RIMBP2: variants seen among roughly 807,000 people sequenced by gnomAD.
RIMBP2 encodes RIMS binding protein 2.
Under a neutral mutation model 118.6 loss-of-function variants are expected in RIMBP2, and 48 were observed. The ratio of observed to expected loss-of-function variants is 0.40; its 90% CI spans 0.32 to 0.51. The LOEUF (loss-of-function observed/expected upper bound fraction) is 0.51. RIMBP2 is among the 20% of genes least tolerant of loss of function. The probability of loss-of-function intolerance (pLI) is 0.41; values close to 1 mark genes in which losing one functional copy is unlikely to be tolerated. For synonymous variants in RIMBP2, 762 were observed against 742.9 expected, an observed-to-expected ratio of 1.03 and a Z score of -0.42; for missense variants, 1,551 against 1,768.3, an observed-to-expected ratio of 0.88 and a Z score of 2.20.
At chr12:130,613,289 C>T (rs114700911) in intron 2 of RIMBP2, among the ~76,000 whole-genome samples, 3,178 of 152,308 alleles carry the variant, frequency 0.021, 99 homozygotes, top group African/African-American at 0.072. Flanking sequence ...GCGACCGCCC[C>T]GCCAGAGGGC....
intron 17 of RIMBP2, among the ~76,000 whole-genome samples, chr12:130,417,928 A>C (rs374253438): frequency 6.6e-6 from 1 of 152,154 alleles, no homozygotes; most frequent in African/African-American, 2.4e-5. Context: ...TCACAACACC[A>C]TCAGGGAAGC....
chr12:130,515,759 A>G (rs1228446573), intron 3 of RIMBP2, among the ~76,000 whole-genome samples: 1 of 151,888 alleles, frequency 6.6e-6, no homozygotes, highest in African/African-American at 2.4e-5. Context: ...GTGCAATGGC[A>G]TGATCTCGGC....
intron 1 of RIMBP2, among the ~76,000 whole-genome samples, chr12:130,702,269 C>T (rs957670451): frequency 6.6e-6 from 1 of 151,964 alleles, no homozygotes. Context: ...GTAATCCCAG[C>T]ACTTTGGGAG....
At chr12:130,423,799 G>C (rs1191794312) in intron 16 of RIMBP2, among the ~76,000 whole-genome samples, 1 of 146,740 alleles carries the variant, frequency 6.8e-6, no homozygotes, top group African/African-American at 2.5e-5. Flanking sequence ...AAATCCCTAA[G>C]GATCCCTGTG....
intron 1 of RIMBP2, among the ~76,000 whole-genome samples, chr12:130,665,208 T>C (rs1241325669): frequency 6.6e-6 from 1 of 151,610 alleles, no homozygotes; most frequent in Non-Finnish European, 1.5e-5. Context: ...TGTTTCCTGA[T>C]GCCATGCTCC....
At chr12:130,714,982 A>ACGCCAGCTCCCCTCCCCTGCC (rs1437357786) in intron 1 of RIMBP2, among the ~76,000 whole-genome samples, 1 of 152,078 alleles carries the variant, frequency 6.6e-6, no homozygotes, top group Non-Finnish European at 1.5e-5. Context: ...GTGAGCCTGC[A>ACGCCAGCTCCCCTCCCCTGCC]CGCCAGCTCC....
At chr12:130,409,168 C>T (rs777594604) in intron 19 of RIMBP2, among the ~76,000 whole-genome samples, 23 of 152,102 alleles carry the variant, frequency 1.5e-4, no homozygotes, top group Non-Finnish European at 3.1e-4. Flanking sequence ...CAGTACTTTA[C>T]GTTGTGATAA....
chr12:130,559,240 G>A (rs2056619330), intron 2 of RIMBP2, among the ~76,000 whole-genome samples: 2 of 152,068 alleles, frequency 1.3e-5, no homozygotes, highest in South Asian at 4.1e-4. Flanking sequence ...GCACCATGTT[G>A]CACAGGCAGT....
intron 8 of RIMBP2, 33 bp downstream of exon 8, chr12:130,451,162 C>G: frequency 6.2e-7 from 1 of 1,605,678 alleles, no homozygotes; most frequent in Non-Finnish European, 8.5e-7. Flanking sequence ...ACAGCACAGG[C>G]AGCCCCGGCA....
intron 2 of RIMBP2, among the ~76,000 whole-genome samples, chr12:130,597,416 G>T (rs1038781183): frequency 3.4e-4 from 52 of 152,226 alleles, no homozygotes; most frequent in African/African-American, 1.2e-3. Flanking sequence ...GCTAATTTTT[G>T]TATTTTTAGT....
At chr12:130,466,991 C>T (rs1212282905) in intron 6 of RIMBP2, among the ~76,000 whole-genome samples, 1 of 152,220 alleles carries the variant, frequency 6.6e-6, no homozygotes, top group African/African-American at 2.4e-5. Flanking sequence ...TGTCTCTTCT[C>T]TACCTATTGA....
intron 15 of RIMBP2, chr12:130,427,760 C>T (rs1476381360): frequency 6.5e-6 from 1 of 154,516 alleles, no homozygotes; most frequent in Non-Finnish European, 1.4e-5. Flanking sequence ...CCATAGTGCC[C>T]TCCTTTAAGG....
At chr12:130,520,491 G>C (rs12320371) in intron 2 of RIMBP2, among the ~76,000 whole-genome samples, 56 of 150,996 alleles carry the variant, frequency 3.7e-4, no homozygotes, top group African/African-American at 1.3e-3. Context: ...GTGAAACCCC[G>C]CCTCTACTAA....
intron 1 of RIMBP2, among the ~76,000 whole-genome samples, chr12:130,691,927 C>T (rs918644615): frequency 3.3e-5 from 5 of 152,036 alleles, no homozygotes; most frequent in South Asian, 2.1e-4. Flanking sequence ...GGCAGGGGGA[C>T]GGGTTTCTAG....
intron 2 of RIMBP2, among the ~76,000 whole-genome samples, chr12:130,585,185 C>T (rs12315215): frequency 0.14 from 21,479 of 152,062 alleles, 1,999 homozygotes; most frequent in East Asian, 0.36. Context: ...CCACTGAATC[C>T]GATGACCACT....
chr12:130,460,525 A>G (rs545018836), intron 6 of RIMBP2, among the ~76,000 whole-genome samples: 57 of 152,252 alleles, frequency 3.7e-4, no homozygotes, highest in Middle Eastern at 3.4e-3. Flanking sequence ...TGCTGTTGGT[A>G]TTAGTATTAA....
At chr12:130,631,644 G>T (rs191038344) in intron 1 of RIMBP2, among the ~76,000 whole-genome samples, 282 of 151,766 alleles carry the variant, frequency 1.9e-3, no homozygotes, top group African/African-American at 6.3e-3. Context: ...CCCAGAAAGT[G>T]CTGCTAATAT....
At chr12:130,408,734 T>A (rs1408889795) in intron 19 of RIMBP2, among the ~76,000 whole-genome samples, 1 of 152,242 alleles carries the variant, frequency 6.6e-6, no homozygotes, top group Admixed American at 6.5e-5. Flanking sequence ...GGCATTTATG[T>A]GTTTCTTCTA....
intron 4 of RIMBP2, among the ~76,000 whole-genome samples, chr12:130,502,800 A>C (rs964729138): frequency 2.0e-5 from 3 of 152,188 alleles, no homozygotes; most frequent in Non-Finnish European, 4.4e-5. Context: ...ATAGTGCTCA[A>C]TCAATCCTTG....
Sources: allele counts gnomAD v4.1 joint callset (sites outside exome capture counted in the v4.1 genomes callset), GRCh38; gene constraint gnomAD v4.1.1; transcripts MANE v1.5; gene names NCBI Gene and HGNC (gene_info 2026-07-23, HGNC 2026-07-21).